The following PCDHA11 variants were observed in gnomAD, a reference collection of about 807,000 sequenced individuals.
PCDHA11 encodes the protein protocadherin alpha-11.
In PCDHA11, 61 loss-of-function variants were observed where a neutral mutation model predicts 70.3. The observed-to-expected ratio is 0.87, with a 90% CI of 0.71 to 1.07. The LOEUF is 1.07. Among genes scored for constraint, PCDHA11 ranks in the 50% least tolerant of loss-of-function variants. The pLI is 0.00. For synonymous variants in PCDHA11, 633 were observed against 555.1 expected, an observed-to-expected ratio of 1.14 and a Z score of -1.97; for missense variants, 1,324 against 1,237.5, an observed-to-expected ratio of 1.07 and a Z score of -1.05.
At chr5:140,946,631 T>TATATATACAC (rs57893927) in intron 1 of PCDHA11, among the ~76,000 whole-genome samples, 11,667 of 131,732 alleles carry the variant, frequency 0.089, 743 homozygotes, top group Middle Eastern at 0.14. Context: ...TATATATATA[T>TATATATACAC]ACAATGGAAT....
intron 1 of PCDHA11, among the ~76,000 whole-genome samples, chr5:140,957,274 C>A (rs1251520860): frequency 6.6e-6 from 1 of 152,104 alleles, no homozygotes; most frequent in South Asian, 2.1e-4. Context: ...ACTAGTCCCC[C>A]CTTACCTGCA....
intron 3 of PCDHA11, among the ~76,000 whole-genome samples, chr5:140,992,037 G>A (rs2153898781): frequency 6.6e-6 from 1 of 152,006 alleles, no homozygotes; most frequent in East Asian, 1.9e-4. Context: ...GTGTGTGTGT[G>A]TGTGTGTGTG....
At chr5:140,892,702 A>C (rs1391662001) in intron 1 of PCDHA11, among the ~76,000 whole-genome samples, 1 of 152,240 alleles carries the variant, frequency 6.6e-6, no homozygotes, top group Non-Finnish European at 1.5e-5. Flanking sequence ...AAATCAGGGT[A>C]ATTAGCATAT....
intron 1 of PCDHA11, among the ~76,000 whole-genome samples, chr5:140,911,000 C>T (rs139648608): frequency 1.9e-3 from 291 of 152,218 alleles, no homozygotes; most frequent in African/African-American, 6.7e-3. Context: ...ACCCCTAGGG[C>T]CCTCCTGGGA....
intron 1 of PCDHA11, among the ~76,000 whole-genome samples, chr5:140,955,093 G>A (rs1554221774): frequency 6.6e-6 from 1 of 152,118 alleles, no homozygotes; most frequent in African/African-American, 2.4e-5. Flanking sequence ...TAGGTGTGTG[G>A]TGTTATTTCT....
At chr5:140,953,398 C>G (rs1247752047) in intron 1 of PCDHA11, among the ~76,000 whole-genome samples, 9 of 152,150 alleles carry the variant, frequency 5.9e-5, no homozygotes, top group Non-Finnish European at 7.3e-5. Flanking sequence ...GATTACAGTG[C>G]TGTTGCTCCT....
At position 140,982,704 on chromosome 5, in the gene PCDHA11, C is replaced by T. The variant is rs1393323812; in HGVS notation, c.2539+141C>T. ...CTTTTTTCCATACATACATGATTTCCTTACATATATGATTATTTTGATTTT... is the reference window on the plus strand; with the variant it reads ...CTTTTTTCCATACATACATGATTTCTTTACATATATGATTATTTTGATTTT... On this transcript the variant is annotated intron_variant, in intron 3 of 3. Coordinates refer to ENST00000398640, the MANE Select transcript of PCDHA11 (RefSeq NM_018902.5). 8 of 1,377,410 alleles carry T rather than the reference C, an allele frequency of 5.8e-6. No homozygotes were observed. In the African/African-American group the frequency reaches 1.2e-4, roughly 20 times the overall value. The allele number at this position is 1,377,410 out of a possible 1,614,324, so 85.3% of individuals were successfully genotyped here. A position where few individuals can be genotyped will look rare whatever the true frequency, so the allele number is the denominator to read the frequency against.
chr5:141,003,560 G>T (rs1011065385), intron 3 of PCDHA11, among the ~76,000 whole-genome samples: 1 of 152,062 alleles, frequency 6.6e-6, no homozygotes, highest in Non-Finnish European at 1.5e-5. Context: ...TGATCCACCT[G>T]CCTCAGACTC....
At chr5:140,971,244 A>G (rs1389573593) in intron 1 of PCDHA11, among the ~76,000 whole-genome samples, 6 of 152,174 alleles carry the variant, frequency 3.9e-5, no homozygotes, top group Non-Finnish European at 8.8e-5. Context: ...GGGCAATTTG[A>G]TACATAAACT....
At position 140,992,017 on chromosome 5, in the gene PCDHA11, CTGTGTGTG is replaced by C. The variant is rs10602499; in HGVS notation, c.2539+9484_2539+9491del. On this transcript the variant is annotated intron_variant, in intron 3 of 3. Coordinates refer to ENST00000398640, the MANE Select transcript of PCDHA11 (RefSeq NM_018902.5). ...CTTTCATGTTCAGGCAGAGGTGGCT[CTGTGTGTG>C]TGTGTGTGTGTGTGTGTGTGTGTGT... Among the ~76,000 whole-genome samples the C allele has an allele frequency of 9.8e-4, 142 of 145,616 alleles. No homozygotes were observed. The East Asian group carries it at 1.0e-2, about 10-fold the overall frequency.
intron 1 of PCDHA11, among the ~76,000 whole-genome samples, chr5:140,964,836 T>G (rs1306843318): frequency 1.3e-5 from 2 of 152,148 alleles, no homozygotes; most frequent in African/African-American, 4.8e-5. Flanking sequence ...AATTGCTTCC[T>G]ACTCTGTACC....
chr5:140,918,625 C>T (rs1365715302), intron 1 of PCDHA11, among the ~76,000 whole-genome samples: 2 of 152,086 alleles, frequency 1.3e-5, no homozygotes, highest in Non-Finnish European at 2.9e-5. Context: ...TTTGTGTTCC[C>T]CAAATTCATA....
intron 3 of PCDHA11, among the ~76,000 whole-genome samples, chr5:141,007,792 C>A (rs2098346636): frequency 6.6e-6 from 1 of 152,166 alleles, no homozygotes. Flanking sequence ...TACAAATTAG[C>A]CTTTATCTGC....
intron 1 of PCDHA11, among the ~76,000 whole-genome samples, chr5:140,952,990 G>T (rs1218296143): frequency 6.6e-6 from 1 of 152,042 alleles, no homozygotes; most frequent in Non-Finnish European, 1.5e-5. Context: ...GATCTCATGA[G>T]AACTCTCTCA....
intron 1 of PCDHA11, among the ~76,000 whole-genome samples, chr5:140,901,445 C>T (rs1207516323): frequency 6.6e-6 from 1 of 152,074 alleles, no homozygotes; most frequent in Admixed American, 6.6e-5. Context: ...ATCTAGTTTC[C>T]CAGCACAGAC....
chr5:140,958,997 A>C (rs1356032687), intron 1 of PCDHA11, among the ~76,000 whole-genome samples: 1 of 152,076 alleles, frequency 6.6e-6, no homozygotes, highest in African/African-American at 2.4e-5. Context: ...CTAATCTTTT[A>C]CTGTACCTAA....
At chr5:140,876,762 G>T in intron 1 of PCDHA11, 1 of 1,614,252 alleles carries the variant, frequency 6.2e-7, no homozygotes, top group South Asian at 1.1e-5. Flanking sequence ...CGCGGGATGG[G>T]GGCTCGCCTT....
intron 1 of PCDHA11, among the ~76,000 whole-genome samples, chr5:140,880,366 C>A (rs2058318245): frequency 6.6e-6 from 1 of 152,052 alleles, no homozygotes; most frequent in African/African-American, 2.4e-5. Flanking sequence ...AGATGAAAAC[C>A]ATGAGAGAAT....
chr5:140,999,431 C>G (rs1554256799), intron 3 of PCDHA11, among the ~76,000 whole-genome samples: 1 of 152,134 alleles, frequency 6.6e-6, no homozygotes, highest in African/African-American at 2.4e-5. Context: ...GGCCAAGTAC[C>G]TTGCCTCTTA....
Sources: allele counts gnomAD v4.1 joint callset (sites outside exome capture counted in the v4.1 genomes callset), GRCh38; gene constraint gnomAD v4.1.1; transcripts MANE v1.5; gene names NCBI Gene and HGNC (gene_info 2026-07-23, HGNC 2026-07-21).